FCHO2: variants seen among roughly 807,000 people sequenced by gnomAD.
FCHO2 encodes FCH and mu domain containing endocytic adaptor 2, also known as F-BAR domain only protein 2.
In FCHO2, 43 loss-of-function variants were observed where a neutral mutation model predicts 114.1. The ratio of observed to expected loss-of-function variants is 0.38; its 90% CI spans 0.30 to 0.49. The LOEUF (loss-of-function observed/expected upper bound fraction) is 0.49. Among genes scored for constraint, FCHO2 ranks in the 20% least tolerant of loss-of-function variants. The pLI is 0.97. For synonymous variants in FCHO2, 293 were observed against 315.2 expected (o/e 0.93, Z 0.75); for missense variants, 807 against 950.4 (o/e 0.85, Z 1.98).
At position 73,088,766 on chromosome 5, in the gene FCHO2, GTTAAC is replaced by G. The variant is rs1743394337; in HGVS notation, c.*679_*683del. 6.6e-6 allele frequency: 1 copy of G among 152,576 alleles called. No homozygotes were observed. Among genetic ancestry groups the G allele is most frequent in the African/African-American group, 2.4e-5 (1 of 41,454 alleles). 9.5% of individuals were successfully genotyped at this position (152,576 alleles called of 1,614,324 possible). On this transcript the variant is annotated 3_prime_UTR_variant, in exon 26 of 26. Transcript: ENST00000430046. ...GCAGAGACATTTACTTCTGCAGTTA[GTTAAC>G]TTTATAGGAGTTGTGATTTTTTTGA...
chr5:72,962,760 G>A (rs1428791327), intron 1 of FCHO2, among the ~76,000 whole-genome samples: 3 of 152,082 alleles, frequency 2.0e-5, no homozygotes, highest in Admixed American at 6.6e-5. Context: ...GGGCGTGATG[G>A]TGCGAACCTG....
intron 24 of FCHO2, among the ~76,000 whole-genome samples, chr5:73,085,817 T>C (rs1743288265): frequency 1.6e-5 from 1 of 62,492 alleles, no homozygotes; most frequent in Non-Finnish European, 3.8e-5. Context: ...AATAAATAAA[T>C]AAATAAATAA....
rs562647109 is a variant in FCHO2 at position 72,976,519 on chromosome 5, C to T, written c.125+7930C>T. Among the ~76,000 whole-genome samples, 11 of 152,242 alleles carry T rather than the reference C, an allele frequency of 7.2e-5. No homozygotes were observed. In the East Asian group the frequency reaches 2.1e-3, roughly 29 times the overall value. On this transcript the variant is annotated intron_variant, in intron 2 of 25. Transcript: ENST00000430046. ...CCAGCACACCTTTCCTCCATCTTTT[C>T]ATATGCTTATTTGCCAGCTGTGTAT...
chr5:73,069,803 T>G (rs1344812799), intron 19 of FCHO2, among the ~76,000 whole-genome samples: 1 of 152,096 alleles, frequency 6.6e-6, no homozygotes, highest in Admixed American at 6.6e-5. Context: ...AGAGTTTTTT[T>G]GTCATCATTT....
intron 1 of FCHO2, among the ~76,000 whole-genome samples, chr5:72,967,269 A>G (rs1169673968): frequency 1.3e-5 from 2 of 152,238 alleles, no homozygotes; most frequent in Non-Finnish European, 2.9e-5. Flanking sequence ...TGGATGATAG[A>G]GTGAGACTGT....
intron 24 of FCHO2, among the ~76,000 whole-genome samples, chr5:73,083,033 C>T (rs958618578): frequency 6.6e-6 from 1 of 151,994 alleles, no homozygotes; most frequent in Admixed American, 6.6e-5. Flanking sequence ...GCCACCACAC[C>T]CAACTAATTT....
Position 73,002,353 on chromosome 5 carries a change from A to G in FCHO2, c.496-4092A>G, listed in dbSNP as rs1006760266. Among the ~76,000 whole-genome samples, 17 of 152,324 alleles carry G rather than the reference A, an allele frequency of 1.1e-4. No individual in the cohort carries two copies. The South Asian group carries it at 2.3e-3, about 20-fold the overall frequency. ...CTTAAAGGCCTATAATGTTTGATGC[A>G]TAGTGTTATAAAATAATTTCTTTGT... On this transcript the variant is annotated intron_variant, in intron 5 of 25. Transcript: ENST00000430046.
chr5:73,030,728 T>C (rs991419306), intron 8 of FCHO2, among the ~76,000 whole-genome samples: 1 of 152,080 alleles, frequency 6.6e-6, no homozygotes, highest in African/African-American at 2.4e-5. Flanking sequence ...ACTGTGGGAG[T>C]GGAGCCCAGT....
At chr5:73,034,899 T>A (rs1196524156) in intron 9 of FCHO2, among the ~76,000 whole-genome samples, 198 bp downstream of exon 9, 2 of 152,186 alleles carry the variant, frequency 1.3e-5, no homozygotes, top group Admixed American at 6.5e-5. Context: ...CCCAAAATAA[T>A]ATTAGTGTGT....
chr5:73,069,069 C>G (rs1014270095), intron 19 of FCHO2, among the ~76,000 whole-genome samples: 1 of 152,042 alleles, frequency 6.6e-6, no homozygotes, highest in Non-Finnish European at 1.5e-5. Flanking sequence ...GCAGTTCTTC[C>G]TTCTGTGAAC....
chr5:73,034,583 A>G, intron 8 of FCHO2, 74 bp from the exon 9 acceptor site: 1 of 1,173,572 alleles, frequency 8.5e-7, no homozygotes, highest in East Asian at 2.6e-5. Context: ...AAAATTTAAA[A>G]TGTAAAAAAA....
At chr5:73,021,374 G>A (rs938976781) in intron 8 of FCHO2, 2 of 335,530 alleles carry the variant, frequency 6.0e-6, no homozygotes, top group East Asian at 1.3e-4. Flanking sequence ...GTCAAGAAGG[G>A]AGAGGGCAGT....
Position 73,078,434 on chromosome 5 carries a change from A to G in FCHO2, c.1980+122A>G, listed in dbSNP as rs143218189. On this transcript the variant is annotated intron_variant, in intron 22 of 25. Transcript: ENST00000430046. ...TTCCCAGAAATTCAAGGATGTTTTG[A>G]AATTAGAAAATCTGTTTATAAGCCA... 2.8e-4 allele frequency: 263 copies of G among 932,622 alleles called. No homozygotes were observed. In the African/African-American group the frequency reaches 4.3e-3, roughly 15 times the overall value. The allele number at this position is 932,622 out of a possible 1,614,324, so 57.8% of individuals were successfully genotyped here.
chr5:73,058,425 T>A lies in FCHO2; in HGVS notation c.1254-8T>A. On this transcript the variant is annotated splice_region_variant and splice_polypyrimidine_tract_variant and intron_variant, in intron 16 of 25. Coordinates refer to ENST00000430046, the MANE Select transcript of FCHO2 (RefSeq NM_138782.3). ...TTAAAATTTTTGCTTTTAAAAATAT[T>A]ATGGTAGAAAAGGAACCAGTGATTT... 1 of 1,529,662 alleles carries A rather than the reference T, an allele frequency of 6.5e-7. No homozygotes were observed. Among genetic ancestry groups the A allele is most frequent in the Non-Finnish European group, 8.8e-7 (1 of 1,139,244 alleles). The allele number at this position is 1,529,662 out of a possible 1,614,324, so 94.8% of individuals were successfully genotyped here. A position where few individuals can be genotyped will look rare whatever the true frequency, so the allele number is the denominator to read the frequency against.
At chr5:73,064,933 A>C (rs1203887604) in intron 18 of FCHO2, among the ~76,000 whole-genome samples, 1 of 151,936 alleles carries the variant, frequency 6.6e-6, no homozygotes, top group African/African-American at 2.4e-5. Flanking sequence ...TACTTTGCTT[A>C]TATTTTTGTT....
At position 73,033,991 on chromosome 5, in the gene FCHO2, G is replaced by A. The variant is rs116160372; in HGVS notation, c.797-666G>A. Among the ~76,000 whole-genome samples the A allele has an allele frequency of 3.7e-4, 57 of 152,218 alleles. 1 individual carries two copies. In the South Asian group the frequency reaches 4.8e-3, roughly 13 times the overall value. Reference sequence around the variant, plus strand: ...TGTCCTTGAAGATCTCTTTGTGGGTGGATGTGTATGATCTTACATGAAAAC... The same window carrying A: ...TGTCCTTGAAGATCTCTTTGTGGGTAGATGTGTATGATCTTACATGAAAAC... On this transcript the variant is annotated intron_variant, in intron 8 of 25. Transcript: ENST00000430046.
At chr5:72,982,189 T>A (rs1272941731) in intron 2 of FCHO2, among the ~76,000 whole-genome samples, 1 of 152,132 alleles carries the variant, frequency 6.6e-6, no homozygotes, top group Non-Finnish European at 1.5e-5. Flanking sequence ...TTGTGCTTCC[T>A]GGATAGGGTG....
chr5:73,037,768 T>A, intron 10 of FCHO2: 1 of 391,336 alleles, frequency 2.6e-6, no homozygotes, highest in Non-Finnish European at 5.0e-6. Flanking sequence ...TTCTTTTTTT[T>A]TTTTTGAGAT....
intron 10 of FCHO2, among the ~76,000 whole-genome samples, chr5:73,038,286 T>C (rs1003259221): frequency 6.6e-6 from 1 of 152,180 alleles, no homozygotes; most frequent in Non-Finnish European, 1.5e-5. Context: ...AACATAGGTT[T>C]TGCTCTTTTT....
Sources: allele counts gnomAD v4.1 joint callset (sites outside exome capture counted in the v4.1 genomes callset), GRCh38; gene constraint gnomAD v4.1.1; transcripts MANE v1.5; gene names NCBI Gene and HGNC (gene_info 2026-07-23, HGNC 2026-07-21).